Variants in STK4 observed in about 807,000 individuals in gnomAD.
STK4 encodes the protein serine/threonine kinase 4.
In STK4, 30 loss-of-function variants were observed where a neutral mutation model predicts 64.9. The ratio of observed to expected loss-of-function variants is 0.46; its 90% CI spans 0.35 to 0.63. The LOEUF is 0.63. Among genes scored for constraint, STK4 ranks in the 20% least tolerant of loss-of-function variants. STK4 has a pLI of 0.01. For missense variants in STK4, 466 were observed against 598.5 expected (o/e 0.78, Z 2.31); for synonymous variants, 177 against 199.0 (o/e 0.89, Z 0.93).
chr20:45,041,088 G>A (rs1364586468), intron 10 of STK4, among the ~76,000 whole-genome samples: 2 of 152,126 alleles, frequency 1.3e-5, no homozygotes, highest in South Asian at 2.1e-4. Context: ...TAATTTCTAC[G>A]TGGTTATGCC....
At chr20:45,059,005 C>T (rs1460909263) in intron 10 of STK4, among the ~76,000 whole-genome samples, 1 of 152,154 alleles carries the variant, frequency 6.6e-6, no homozygotes, top group Non-Finnish European at 1.5e-5. Context: ...TTTAAAACTA[C>T]AGTGTCCCCC....
chr20:45,053,128 CA>C, intron 10 of STK4: 1 of 1,612,718 alleles, frequency 6.2e-7, no homozygotes, highest in Non-Finnish European at 8.5e-7. Flanking sequence ...CATATGTATC[CA>C]AAATTGCCAG....
chr20:44,980,138 A>G (rs1190614438), intron 3 of STK4, among the ~76,000 whole-genome samples: 1 of 152,212 alleles, frequency 6.6e-6, no homozygotes, highest in African/African-American at 2.4e-5. Context: ...CCAACAGTGC[A>G]AGTCTATAGA....
At chr20:44,971,439 GTT>G (rs1032588317) in intron 1 of STK4, among the ~76,000 whole-genome samples, 8 of 152,086 alleles carry the variant, frequency 5.3e-5, no homozygotes, top group African/African-American at 1.9e-4. Context: ...GAATTTATGT[GTT>G]TTGACAAACT....
At chr20:45,067,147 T>A (rs1979643119) in intron 10 of STK4, among the ~76,000 whole-genome samples, 1 of 152,154 alleles carries the variant, frequency 6.6e-6, no homozygotes, top group Non-Finnish European at 1.5e-5. Context: ...GACTTTCTAG[T>A]GGCCAGTGTT....
chr20:44,973,813 G>A (rs897907740), intron 2 of STK4, among the ~76,000 whole-genome samples: 4 of 152,156 alleles, frequency 2.6e-5, no homozygotes, highest in African/African-American at 9.7e-5. Flanking sequence ...TGAGGTAATT[G>A]GGGTAAAGTA....
rs1001261574 is a variant in STK4, at chr20:44,978,299, T to G, written c.117-144T>G. The G allele has an allele frequency of 4.0e-6, 4 of 998,194 alleles. No individual in the cohort carries two copies. In the African/African-American group the frequency reaches 5.0e-5, roughly 13 times the overall value. 61.8% of individuals were successfully genotyped at this position (998,194 alleles called of 1,614,324 possible). A position where few individuals can be genotyped will look rare whatever the true frequency, so the allele number is the denominator to read the frequency against. ...CTTGACAGTTTTTTCCCCAAAAGTA[T>G]TTTAGCTATCTTAGTTTTGCAAGTG... is the stretch of plus-strand genomic sequence containing the variant. On this transcript the variant is annotated intron_variant, in intron 2 of 10. Coordinates refer to ENST00000372806, the MANE Select transcript of STK4 (RefSeq NM_006282.5).
intron 10 of STK4, among the ~76,000 whole-genome samples, chr20:45,063,333 A>G (rs1338815905): frequency 6.6e-6 from 1 of 152,010 alleles, no homozygotes; most frequent in Admixed American, 6.6e-5. Context: ...GCATTTCTCT[A>G]ATGATTAATG....
chr20:45,004,142 C>G (rs1298592943), intron 9 of STK4, among the ~76,000 whole-genome samples: 1 of 151,120 alleles, frequency 6.6e-6, no homozygotes, highest in African/African-American at 2.4e-5. Context: ...TTCGCCCAGG[C>G]TGGAGTGCAG....
intron 6 of STK4, among the ~76,000 whole-genome samples, chr20:44,995,897 C>T (rs2067721826): frequency 6.6e-6 from 1 of 152,174 alleles, no homozygotes; most frequent in African/African-American, 2.4e-5. Flanking sequence ...CACATTTTAA[C>T]ATGTCAACAT....
At chr20:44,971,300 C>G (rs932743021) in intron 1 of STK4, among the ~76,000 whole-genome samples, 5 of 152,134 alleles carry the variant, frequency 3.3e-5, no homozygotes, top group Non-Finnish European at 5.9e-5. Flanking sequence ...TGGGACTAGT[C>G]AAAGGTATGT....
chr20:44,972,248 G>A (rs1477349342), intron 2 of STK4, 90 bp downstream of exon 2: 4 of 1,152,302 alleles, frequency 3.5e-6, no homozygotes, highest in Non-Finnish European at 5.1e-6. Flanking sequence ...TTTCAGCATT[G>A]TTCTAGGTGG....
rs1370404677 is a variant in STK4 at position 45,040,346 on chromosome 20, T to C, written c.1305+15216T>C. 3.9e-5 allele frequency among the ~76,000 whole-genome samples: 6 copies of C among 152,198 alleles called. No homozygotes were observed. In the East Asian group the frequency reaches 1.2e-3, roughly 29 times the overall value. On this transcript the variant is annotated intron_variant, in intron 10 of 10. Coordinates refer to ENST00000372806, the MANE Select transcript of STK4 (RefSeq NM_006282.5). ...ATTTTTATTATAATTTTCAAAATAA[T>C]GTATTGGTTCCCTGGCATTCTCCAA...
At chr20:45,029,004 A>G (rs1163416369) in intron 10 of STK4, among the ~76,000 whole-genome samples, 1 of 152,194 alleles carries the variant, frequency 6.6e-6, no homozygotes, top group African/African-American at 2.4e-5. Flanking sequence ...ACTTTCTTCT[A>G]AATCTGAGGT....
chr20:45,005,604 C>T (rs1001296997), intron 9 of STK4, among the ~76,000 whole-genome samples: 15 of 146,996 alleles, frequency 1.0e-4, no homozygotes, highest in Admixed American at 2.1e-4. Context: ...ACCGAGATCG[C>T]GCCACTGCAC....
At chr20:44,988,497 ATGTATGTATGTG>A (rs1300145858) in intron 5 of STK4, among the ~76,000 whole-genome samples, 1 of 131,092 alleles carries the variant, frequency 7.6e-6, no homozygotes, top group Non-Finnish European at 1.7e-5. Context: ...AAAAATGTGT[ATGTATGTATGTG>A]TGTGTGTATA....
At chr20:45,060,209 C>G (rs970973322) in intron 10 of STK4, among the ~76,000 whole-genome samples, 8 of 152,234 alleles carry the variant, frequency 5.3e-5, no homozygotes, top group Admixed American at 1.3e-4. Flanking sequence ...GAATTAGATC[C>G]AGCAGAAGCT....
chr20:45,060,072 A>G (rs1978857143), intron 10 of STK4, among the ~76,000 whole-genome samples: 1 of 152,184 alleles, frequency 6.6e-6, no homozygotes, highest in South Asian at 2.1e-4. Context: ...CTGAAAATAT[A>G]TTAGATATAG....
intron 10 of STK4, among the ~76,000 whole-genome samples, chr20:45,048,842 G>T (rs2068735190): frequency 6.6e-6 from 1 of 152,066 alleles, no homozygotes; most frequent in South Asian, 2.1e-4. Flanking sequence ...TGTTCCTAGG[G>T]TGAGCTTAAT....
Sources: gnomAD v4.1 joint callset for allele counts (sites outside exome capture counted in the v4.1 genomes callset) on GRCh38, gnomAD v4.1.1 for gene constraint, MANE v1.5 for transcripts, NCBI Gene and HGNC (gene_info 2026-07-23, HGNC 2026-07-21) for gene names.